ATXN1: variants seen among roughly 807,000 people sequenced by gnomAD.
The protein encoded by ATXN1 is ataxin-1.
In ATXN1, 8 loss-of-function variants were observed where a neutral mutation model predicts 56.4. The ratio of observed to expected loss-of-function variants is 0.14; its 90% confidence interval spans 0.08 to 0.26. The LOEUF is 0.26. ATXN1 is among the 10% of genes least tolerant of loss of function. The pLI is 1.00. For synonymous variants in ATXN1, 514 were observed against 494.6 expected (o/e 1.04, Z -0.52); for missense variants, 987 against 1,106.5 (o/e 0.89, Z 1.53).
chr6:16,536,737 T>C (rs1761606130), intron 4 of ATXN1, among the ~76,000 whole-genome samples: 1 of 152,222 alleles, frequency 6.6e-6, no homozygotes, highest in Admixed American at 6.5e-5. Context: ...GCAATGCAAT[T>C]AGGCTATTAA....
At chr6:16,595,290 C>G (rs1368990354) in intron 3 of ATXN1, among the ~76,000 whole-genome samples, 2 of 152,196 alleles carry the variant, frequency 1.3e-5, no homozygotes, top group Non-Finnish European at 2.9e-5. Flanking sequence ...ATTCTTTCCT[C>G]TCCAAAAGAA....
Position 16,304,175 on chromosome 6 carries a change from T to A in ATXN1, c.*2154A>T, listed in dbSNP as rs1760181540. ...AAAATGTGGGTTGATACCAGATTTT[T>A]TTTTTAATTTGTGAAACGAAGAAAG... On this transcript the variant is annotated 3_prime_UTR_variant, in exon 8 of 8. Transcript: ENST00000436367. 1 of 152,602 alleles carries A rather than the reference T, an allele frequency of 6.6e-6. No homozygotes were observed. Among genetic ancestry groups the A allele is most frequent in the Non-Finnish European group, 1.5e-5 (1 of 68,032 alleles). The allele number at this position is 152,602 out of a possible 1,614,324, so 9.5% of individuals were successfully genotyped here. A position where few individuals can be genotyped will look rare whatever the true frequency, so the allele number is the denominator to read the frequency against.
chr6:16,521,685 C>T (rs1002161786), intron 5 of ATXN1, among the ~76,000 whole-genome samples: 2 of 152,242 alleles, frequency 1.3e-5, no homozygotes, highest in African/African-American at 2.4e-5. Context: ...AACCGCGAGT[C>T]GGGTGTGTGG....
chr6:16,727,444 A>G (rs1759874587), intron 2 of ATXN1, among the ~76,000 whole-genome samples: 1 of 152,196 alleles, frequency 6.6e-6, no homozygotes, highest in African/African-American at 2.4e-5. Flanking sequence ...GAAGACATCT[A>G]ATATGAATAA....
intron 6 of ATXN1, among the ~76,000 whole-genome samples, chr6:16,423,590 C>T (rs1759079492): frequency 6.6e-6 from 1 of 152,092 alleles, no homozygotes; most frequent in Admixed American, 6.5e-5. Flanking sequence ...AATGACGCTC[C>T]CCAGTGAGGT....
At chr6:16,387,783 A>C (rs573462049) in intron 6 of ATXN1, among the ~76,000 whole-genome samples, 122 of 152,346 alleles carry the variant, frequency 8.0e-4, no homozygotes, top group African/African-American at 2.9e-3. Context: ...TCAGGCTATC[A>C]GATATCTCCT....
Position 16,622,439 on chromosome 6 carries a change from G to A in ATXN1, c.-489+35337C>T, listed in dbSNP as rs7748637. On this transcript the variant is annotated intron_variant, in intron 3 of 7. Transcript: ENST00000436367. ...CAAGCAAAGAGTACAAGGGATGTGC[G>A]AATAGGTACAGCCCACATTAAGTAA... Among the ~76,000 whole-genome samples the A allele has an allele frequency of 5.2e-3, 794 of 152,228 alleles. 10 individuals carry two copies. Among genetic ancestry groups the A allele is most frequent in the African/African-American group, 0.018 (756 of 41,540 alleles).
intron 5 of ATXN1, among the ~76,000 whole-genome samples, chr6:16,499,181 T>C (rs1760831683): frequency 1.3e-5 from 2 of 152,192 alleles, no homozygotes; most frequent in South Asian, 4.1e-4. Flanking sequence ...TTGTATATGG[T>C]GTGAGGTAAG....
chr6:16,660,938 A>T (rs1758307663), intron 2 of ATXN1, among the ~76,000 whole-genome samples: 1 of 142,964 alleles, frequency 7.0e-6, no homozygotes, highest in African/African-American at 2.7e-5. Flanking sequence ...TTCTGGTTTC[A>T]AGCAATTCTC....
At chr6:16,575,199 T>C (rs992782524) in intron 4 of ATXN1, among the ~76,000 whole-genome samples, 21 of 152,038 alleles carry the variant, frequency 1.4e-4, no homozygotes, top group Admixed American at 1.3e-3. Flanking sequence ...GGGGTAGGGA[T>C]ATTTTAAAAT....
At position 16,753,260 on chromosome 6, in the gene ATXN1, G is replaced by C. The variant is rs1404973084; in HGVS notation, c.-642C>G. ...GACATGTGATGCACTTCCCTGTAGT[G>C]GCAGTGGAGGAGGAGATTGCTGTAC... On this transcript the variant is annotated 5_prime_UTR_variant, in exon 2 of 8. Coordinates refer to ENST00000436367, the MANE Select transcript of ATXN1 (RefSeq NM_001128164.2). 2.2e-6 allele frequency: 1 copy of C among 456,700 alleles called. No individual in the cohort carries two copies. Among genetic ancestry groups the C allele is most frequent in the Admixed American group, 2.3e-5 (1 of 42,584 alleles). The allele number at this position is 456,700 out of a possible 1,614,324, so 28.3% of individuals were successfully genotyped here.
intron 2 of ATXN1, among the ~76,000 whole-genome samples, chr6:16,681,976 G>A (rs1581360852): frequency 6.6e-6 from 1 of 152,222 alleles, no homozygotes; most frequent in South Asian, 2.1e-4. Flanking sequence ...GAAAACGAAA[G>A]TCCCCCTGAA....
chr6:16,647,919 T>C (rs909677267), intron 3 of ATXN1, among the ~76,000 whole-genome samples: 13 of 151,974 alleles, frequency 8.6e-5, no homozygotes, highest in African/African-American at 2.9e-4. Flanking sequence ...CTACTAAAAA[T>C]ACAAAAATTA....
At position 16,356,306 on chromosome 6, in the gene ATXN1, C is replaced by T. The variant is rs377148275; in HGVS notation, c.-160-27836G>A. On this transcript the variant is annotated intron_variant, in intron 6 of 7. Coordinates refer to ENST00000436367, the MANE Select transcript of ATXN1 (RefSeq NM_001128164.2). ...ATTCTATGACTCAGAAGGTTCAAAG[C>T]AAAGGTTTTTGACCTAATTTGGCCT... Among the ~76,000 whole-genome samples the T allele has an allele frequency of 9.2e-5, 14 of 152,292 alleles. No individual in the cohort carries two copies. In the South Asian group the frequency reaches 2.9e-3, roughly 32 times the overall value.
In ATXN1 at chr6:16,462,856, A is replaced by G. The variant is rs150249028; in HGVS notation, c.-161+23116T>C. Reference sequence around the variant, plus strand: ...AAGGCACCCAAACCGCTCTATTCAGATGGCTTGTCCGCTTCTCAGGGCCCC... The same window carrying G: ...AAGGCACCCAAACCGCTCTATTCAGGTGGCTTGTCCGCTTCTCAGGGCCCC... On this transcript the variant is annotated intron_variant, in intron 6 of 7. Transcript: ENST00000436367. Among the ~76,000 whole-genome samples the G allele has an allele frequency of 6.6e-5, 10 of 152,204 alleles. No individual in the cohort carries two copies. In the East Asian group the frequency reaches 1.9e-3, roughly 29 times the overall value.
chr6:16,623,241 C>G (rs147388885), intron 3 of ATXN1, among the ~76,000 whole-genome samples: 1 of 152,160 alleles, frequency 6.6e-6, no homozygotes, highest in Non-Finnish European at 1.5e-5. Flanking sequence ...ATTGCTGAGT[C>G]ACAGGGTATA....
chr6:16,477,278 T>A (rs1319809976), intron 6 of ATXN1, among the ~76,000 whole-genome samples: 1 of 152,240 alleles, frequency 6.6e-6, no homozygotes, highest in Non-Finnish European at 1.5e-5. Context: ...GCTCTGCCAA[T>A]GTCACTTGAC....
At chr6:16,548,033 C>T (rs557886285) in intron 4 of ATXN1, among the ~76,000 whole-genome samples, 130 of 152,236 alleles carry the variant, frequency 8.5e-4, no homozygotes, top group African/African-American at 3.1e-3. Flanking sequence ...GTGTGAACAT[C>T]GTAGAGTCTA....
At chr6:16,564,822 A>T (rs577338560) in intron 4 of ATXN1, among the ~76,000 whole-genome samples, 13 of 151,972 alleles carry the variant, frequency 8.6e-5, no homozygotes, top group Non-Finnish European at 1.5e-4. Flanking sequence ...AAATACACTA[A>T]AAAGCAATTC....
Sources: gnomAD v4.1 joint callset for allele counts (sites outside exome capture counted in the v4.1 genomes callset) on GRCh38, gnomAD v4.1.1 for gene constraint, MANE v1.5 for transcripts, NCBI Gene and HGNC (gene_info 2026-07-23, HGNC 2026-07-21) for gene names.